The following LRP1B variants were observed in gnomAD, a reference collection of about 807,000 sequenced individuals.
LRP1B encodes LDL receptor related protein 1B.
A neutral mutation model predicts 556.6 loss-of-function variants in LRP1B; 217 were observed. That is an observed-to-expected ratio of 0.39 (90% confidence interval 0.35 to 0.44). The LOEUF is 0.44. LRP1B is among the 20% of genes least tolerant of loss of function. The pLI is 1.00. For synonymous variants in LRP1B, 2,047 were observed against 1,865.8 expected, an observed-to-expected ratio of 1.10 and a Z score of -2.50; for missense variants, 5,053 against 5,620.8, an observed-to-expected ratio of 0.90 and a Z score of 3.23.
intron 2 of LRP1B, among the ~76,000 whole-genome samples, chr2:141,541,254 A>T (rs1293205852): frequency 6.6e-6 from 1 of 152,000 alleles, no homozygotes; most frequent in Non-Finnish European, 1.5e-5. Context: ...AAGAAAGTGG[A>T]CTCTGCCATC....
intron 3 of LRP1B, among the ~76,000 whole-genome samples, chr2:141,287,578 A>C (rs1370658532): frequency 2.0e-5 from 3 of 152,048 alleles, no homozygotes; most frequent in Admixed American, 6.6e-5. Flanking sequence ...TTTCCATTTA[A>C]AATATTTCTG....
At chr2:140,322,804 T>C (rs1432481850) in intron 81 of LRP1B, among the ~76,000 whole-genome samples, 1 of 152,014 alleles carries the variant, frequency 6.6e-6, no homozygotes, top group Non-Finnish European at 1.5e-5. Flanking sequence ...AGCTGGTGAC[T>C]ATGAGAGTGG....
intron 84 of LRP1B, among the ~76,000 whole-genome samples, chr2:140,291,298 T>TTTTATATATATATATATATATATA (rs1683362734): frequency 1.4e-5 from 1 of 72,000 alleles, no homozygotes; most frequent in Non-Finnish European, 3.6e-5. Context: ...AAATTTTATT[T>TTTTATATATATATATATATATATA]TATATATATA....
At chr2:141,509,204 C>T (rs1352126033) in intron 2 of LRP1B, among the ~76,000 whole-genome samples, 1 of 152,096 alleles carries the variant, frequency 6.6e-6, no homozygotes, top group Non-Finnish European at 1.5e-5. Context: ...TGGAGATATG[C>T]AAACTTGAAA....
At chr2:141,127,757 A>G (rs1701251494) in intron 7 of LRP1B, among the ~76,000 whole-genome samples, 1 of 130,326 alleles carries the variant, frequency 7.7e-6, no homozygotes, top group African/African-American at 2.6e-5. Flanking sequence ...AAATTTACCT[A>G]CAAAGGTAAA....
At chr2:141,703,485 T>C (rs1027540689) in intron 2 of LRP1B, among the ~76,000 whole-genome samples, 3 of 151,974 alleles carry the variant, frequency 2.0e-5, no homozygotes, top group African/African-American at 7.2e-5. Flanking sequence ...ACATCATTCA[T>C]CTCAGTGATG....
chr2:142,043,928 T>C (rs1704150278), intron 1 of LRP1B, among the ~76,000 whole-genome samples: 1 of 151,682 alleles, frequency 6.6e-6, no homozygotes, highest in African/African-American at 2.4e-5. Context: ...AATTACAAAC[T>C]TTTCCATAGC....
At chr2:140,284,823 C>T (rs1431327338) in intron 84 of LRP1B, among the ~76,000 whole-genome samples, 2 of 151,060 alleles carry the variant, frequency 1.3e-5, no homozygotes, top group Non-Finnish European at 3.0e-5. Context: ...ATATTTGTCT[C>T]TCTATACATA....
chr2:140,655,032 G>GTGTGTATATATATATATATATATATATA (rs767709816), intron 41 of LRP1B, among the ~76,000 whole-genome samples: 1 of 147,092 alleles, frequency 6.8e-6, no homozygotes, highest in African/African-American at 2.5e-5. Flanking sequence ...GTATATGTAT[G>GTGTGTATATATATATATATATATATATA]TATATATATA....
intron 35 of LRP1B, among the ~76,000 whole-genome samples, chr2:140,725,612 C>T (rs1687567024): frequency 2.6e-5 from 4 of 151,000 alleles, no homozygotes; most frequent in Admixed American, 2.6e-4. Flanking sequence ...TGCAGCACAC[C>T]AACATGACAT....
chr2:140,879,354 A>G (rs944104348), intron 25 of LRP1B, among the ~76,000 whole-genome samples: 1 of 152,066 alleles, frequency 6.6e-6, no homozygotes, highest in Non-Finnish European at 1.5e-5. Context: ...ATGGCTTGGG[A>G]CACTTTGATT....
At chr2:141,125,857 AAAAAC>A (rs1305192304) in intron 7 of LRP1B, among the ~76,000 whole-genome samples, 6 of 150,476 alleles carry the variant, frequency 4.0e-5, no homozygotes, top group African/African-American at 1.5e-4. Context: ...AAAAAAAAAA[AAAAAC>A]AAAAAACCTC....
chr2:140,350,431 G>A (rs554977331), intron 77 of LRP1B, among the ~76,000 whole-genome samples: 49 of 152,026 alleles, frequency 3.2e-4, no homozygotes, highest in African/African-American at 1.1e-3. Flanking sequence ...CCTGCATTAC[G>A]CTACTTTCTA....
chr2:140,961,336 T>C (rs1696027309), intron 18 of LRP1B, among the ~76,000 whole-genome samples: 2 of 151,956 alleles, frequency 1.3e-5, no homozygotes. Context: ...CACAAAGGAA[T>C]TCCATAAAAG....
chr2:140,970,689 T>C (rs913511091), intron 18 of LRP1B, among the ~76,000 whole-genome samples: 4 of 142,268 alleles, frequency 2.8e-5, no homozygotes, highest in African/African-American at 1.0e-4. Context: ...ACCCAAGTTT[T>C]CTGATTTTCT....
At chr2:140,303,085 T>C (rs1026850726) in intron 83 of LRP1B, among the ~76,000 whole-genome samples, 3 of 147,456 alleles carry the variant, frequency 2.0e-5, no homozygotes, top group African/African-American at 7.4e-5. Context: ...ATCGGTTCTT[T>C]TTCTTTGTAT....
intron 77 of LRP1B, among the ~76,000 whole-genome samples, chr2:140,339,881 T>C (rs1389798559): frequency 6.6e-6 from 1 of 151,542 alleles, no homozygotes; most frequent in Non-Finnish European, 1.5e-5. Flanking sequence ...TTGGCTTCTA[T>C]TTATGATTTA....
intron 7 of LRP1B, among the ~76,000 whole-genome samples, chr2:141,096,872 G>A (rs76327647): frequency 0.059 from 9,031 of 152,188 alleles, 347 homozygotes; most frequent in South Asian, 0.11. Context: ...TGTAGAAAGT[G>A]TGTAGTTAAT....
chr2:140,343,360 G>A (rs758217683), intron 77 of LRP1B, among the ~76,000 whole-genome samples: 1 of 151,496 alleles, frequency 6.6e-6, no homozygotes. Flanking sequence ...AATTAAGTGC[G>A]AATACTCTTT....
Sources: allele counts gnomAD v4.1 joint callset (sites outside exome capture counted in the v4.1 genomes callset), GRCh38; gene constraint gnomAD v4.1.1; transcripts MANE v1.5; gene names NCBI Gene and HGNC (gene_info 2026-07-23, HGNC 2026-07-21).